The following WDHD1 variants were observed in gnomAD, a reference collection of about 807,000 sequenced individuals.
WDHD1 encodes the protein WD repeat and HMG-box DNA binding protein 1, also known as WD repeat and HMG-box DNA-binding protein 1.
In WDHD1, 111 loss-of-function variants were observed where a neutral mutation model predicts 135.4. That is an observed-to-expected ratio of 0.82 (90% CI 0.70 to 0.96). The LOEUF (loss-of-function observed/expected upper bound fraction) is 0.96. WDHD1 is among the 40% of genes least tolerant of loss of function. WDHD1 has a pLI of 0.00. For missense variants in WDHD1, 1,351 were observed against 1,336.3 expected, an observed-to-expected ratio of 1.01 and a Z score of -0.17; for synonymous variants, 434 against 439.0, an observed-to-expected ratio of 0.99 and a Z score of 0.14.
chr14:55,002,893 T>G (rs1000856476), intron 7 of WDHD1, among the ~76,000 whole-genome samples: 6 of 152,088 alleles, frequency 3.9e-5, no homozygotes, highest in African/African-American at 1.4e-4. Context: ...TGCCTGACCT[T>G]CAATACTACT....
At chr14:54,957,488 C>T in intron 22 of WDHD1, 104 bp downstream of exon 22, 1 of 1,087,680 alleles carries the variant, frequency 9.2e-7, no homozygotes, top group Non-Finnish European at 1.3e-6. Context: ...ACAGATCAGT[C>T]TTTCATGCCT....
intron 2 of WDHD1, among the ~76,000 whole-genome samples, chr14:55,020,882 T>A (rs1430660873): frequency 6.6e-6 from 1 of 152,172 alleles, no homozygotes; most frequent in Non-Finnish European, 1.5e-5. Flanking sequence ...AGAGAAAAAA[T>A]ATATCAGGAA....
Position 55,026,715 on chromosome 14 carries a change from C to T in WDHD1, c.73G>A (p.Gly25Arg). The stretch of plus-strand genomic sequence containing the variant: ...TTGTTTCTCAAAGAACCTTACCTCC[C>T]AGAATCATCAAAACAGACCTCCGTG... Reference protein sequence around the residue: ...GHTEVCFDDSGSFIVTCGSDG... With the variant: ...GHTEVCFDDSRSFIVTCGSDG... Residue 25 changes from glycine (G) to arginine (R), a missense_variant, in exon 2 of 26, where the codon GGG (glycine) becomes AGG (arginine). Physicochemically the swap from Gly to Arg is moderately radical, Grantham distance 125. Coordinates refer to ENST00000360586, the MANE Select transcript of WDHD1 (RefSeq NM_007086.4). The T allele has an allele frequency of 1.9e-6, 3 of 1,614,212 alleles. No individual in the cohort carries two copies. Among genetic ancestry groups the T allele is most frequent in the Non-Finnish European group, 2.5e-6 (3 of 1,180,026 alleles).
At chr14:54,978,838 A>T (rs2041570312) in intron 16 of WDHD1, among the ~76,000 whole-genome samples, 1 of 152,226 alleles carries the variant, frequency 6.6e-6, no homozygotes, top group Non-Finnish European at 1.5e-5. Flanking sequence ...ACAAAACAGA[A>T]GCCAAAAACA....
chr14:55,026,214 A>C (rs1455228076), intron 2 of WDHD1, among the ~76,000 whole-genome samples: 1 of 152,224 alleles, frequency 6.6e-6, no homozygotes, highest in African/African-American at 2.4e-5. Context: ...ATCGAGCAGT[A>C]GTGCGTAAGA....
chr14:54,982,785 T>C (rs1366357561), intron 15 of WDHD1, among the ~76,000 whole-genome samples: 3 of 152,188 alleles, frequency 2.0e-5, no homozygotes, highest in Non-Finnish European at 4.4e-5. Context: ...AAGTGGAGTT[T>C]CCAGCAATGT....
intron 24 of WDHD1, among the ~76,000 whole-genome samples, chr14:54,949,266 C>T (rs1435927174): frequency 4.6e-5 from 7 of 152,042 alleles, no homozygotes; most frequent in South Asian, 4.1e-4. Context: ...AAAGATTAGA[C>T]GAATGGCTAA....
At chr14:55,011,625 A>G (rs2042172003) in intron 3 of WDHD1, among the ~76,000 whole-genome samples, 1 of 149,184 alleles carries the variant, frequency 6.7e-6, no homozygotes, top group South Asian at 2.1e-4. Flanking sequence ...AGTCTTCTTA[A>G]TTTTGTTATA....
chr14:54,987,279 A>G lies in WDHD1; in HGVS notation c.1635T>C (p.Ala545=). The part of the protein sequence containing the change: ...IEAICLGQGW[A]AAATSALLLR... ...GAAGCAGGGCACTAGTAGCGGCAGCAGCCCATCCTTGACCGAGACATATGG... is the reference window on the plus strand; with the variant it reads ...GAAGCAGGGCACTAGTAGCGGCAGCGGCCCATCCTTGACCGAGACATATGG... Residue 545 remains alanine (A), a synonymous_variant, in exon 14 of 26, where the codon GCT becomes GCC. Transcript: ENST00000360586. 6.2e-7 allele frequency: 1 copy of G among 1,614,184 alleles called. No individual in the cohort carries two copies. The highest frequency in any genetic ancestry group is 8.5e-7 in the Non-Finnish European group (1 of 1,180,032).
chr14:54,944,389 T>G lies in WDHD1; in HGVS notation c.3132A>C (p.Ala1044=). Residue 1044 remains alanine, a synonymous_variant, in exon 25 of 26, where the codon GCA becomes GCC. Coordinates refer to ENST00000360586, the MANE Select transcript of WDHD1 (RefSeq NM_007086.4). ...GAATCATTCCTTCTTTTATTATGTC[T>G]GCTTCATCTGAAAAGTCAGGATTGT... ...LSDNPDFSDE[A]DIIKEGMIRF... 2 of 1,609,344 alleles carry G rather than the reference T, an allele frequency of 1.2e-6. No individual in the cohort carries two copies. The highest frequency in any genetic ancestry group is 2.2e-5 in the South Asian group (2 of 89,598).
At chr14:55,010,852 CTA>C (rs2042157271) in intron 3 of WDHD1, among the ~76,000 whole-genome samples, 1 of 152,226 alleles carries the variant, frequency 6.6e-6, no homozygotes, top group Admixed American at 6.5e-5. Context: ...GGCCACTGCC[CTA>C]TGTTTCCACA....
At chr14:54,981,101 A>G (rs2041612742) in intron 16 of WDHD1, among the ~76,000 whole-genome samples, 1 of 152,184 alleles carries the variant, frequency 6.6e-6, no homozygotes, top group South Asian at 2.1e-4. Context: ...ACAGAGCGAG[A>G]CTCTGTCTTC....
chr14:54,957,302 G>T, intron 22 of WDHD1, 98 bp from the exon 23 acceptor site: 1 of 1,303,890 alleles, frequency 7.7e-7, no homozygotes, highest in Non-Finnish European at 1.1e-6. Context: ...AGTTTGTATT[G>T]CCATCTCATC....
At chr14:54,962,450 T>C (rs756559647) in intron 21 of WDHD1, 48 bp downstream of exon 21, 12 of 1,442,236 alleles carry the variant, frequency 8.3e-6, no homozygotes, top group Non-Finnish European at 1.2e-5. Flanking sequence ...ACTTTGCAGA[T>C]GACTTGCAAA....
chr14:55,011,355 C>A (rs911752068), intron 3 of WDHD1, among the ~76,000 whole-genome samples: 16 of 151,692 alleles, frequency 1.1e-4, no homozygotes, highest in Non-Finnish European at 1.6e-4. Context: ...CATGGTGAAA[C>A]CCCATCTCTA....
chr14:54,997,464 T>TG (rs1165211223), intron 10 of WDHD1, among the ~76,000 whole-genome samples: 1 of 152,146 alleles, frequency 6.6e-6, no homozygotes, highest in African/African-American at 2.4e-5. Context: ...TAAAATGAGA[T>TG]GAAAAAGTGT....
At chr14:54,953,605 A>C (rs1315115326) in intron 24 of WDHD1, among the ~76,000 whole-genome samples, 3 of 152,256 alleles carry the variant, frequency 2.0e-5, no homozygotes, top group Admixed American at 1.3e-4. Flanking sequence ...CATTTGACCC[A>C]GCAATCCCAT....
chr14:54,974,338 A>G (rs1436966394), intron 16 of WDHD1, among the ~76,000 whole-genome samples: 1 of 151,680 alleles, frequency 6.6e-6, no homozygotes, highest in Non-Finnish European at 1.5e-5. Flanking sequence ...AAGGCGGAGG[A>G]CGGAGGATCG....
chr14:54,998,764 T>C (rs1472378311), intron 10 of WDHD1, among the ~76,000 whole-genome samples: 1 of 152,102 alleles, frequency 6.6e-6, no homozygotes, highest in African/African-American at 2.4e-5. Context: ...CCGACCCCAA[T>C]TCTCCCAATA....
Sources: gnomAD v4.1 joint callset for allele counts (sites outside exome capture counted in the v4.1 genomes callset) on GRCh38, gnomAD v4.1.1 for gene constraint, MANE v1.5 for transcripts, NCBI Gene and HGNC (gene_info 2026-07-23, HGNC 2026-07-21) for gene names.